The following EPHA6 variants were observed in gnomAD, a reference collection of about 807,000 sequenced individuals.
The protein encoded by EPHA6 is ephrin type-A receptor 6.
EPHA6 carries 50 observed loss-of-function variants against 112.0 expected under a neutral mutation model. The ratio of observed to expected loss-of-function variants is 0.45; its 90% CI spans 0.36 to 0.56. The LOEUF (loss-of-function observed/expected upper bound fraction) is 0.56. EPHA6 is among the 20% of genes least tolerant of loss of function. EPHA6 has a pLI of 0.00. For synonymous variants in EPHA6, 529 were observed against 490.7 expected, an observed-to-expected ratio of 1.08 and a Z score of -1.03; for missense variants, 1,280 against 1,417.4, an observed-to-expected ratio of 0.90 and a Z score of 1.56.
intron 2 of EPHA6, among the ~76,000 whole-genome samples, chr3:96,927,642 C>T (rs1189345131): frequency 6.6e-6 from 1 of 152,126 alleles, no homozygotes; most frequent in African/African-American, 2.4e-5. Context: ...CTGAGACCAC[C>T]TCAGCCTGGA....
intron 3 of EPHA6, among the ~76,000 whole-genome samples, chr3:97,173,544 G>A (rs553507850): frequency 6.6e-6 from 1 of 151,826 alleles, no homozygotes; most frequent in African/African-American, 2.4e-5. Context: ...TATGTGTCAG[G>A]AAACAGAACA....
chr3:97,586,724 G>GGACA (rs1433560350), intron 11 of EPHA6, among the ~76,000 whole-genome samples: 2 of 117,178 alleles, frequency 1.7e-5, no homozygotes, highest in African/African-American at 9.3e-5. Flanking sequence ...ATGGATGGAT[G>GGACA]GATAGACAGA....
intron 3 of EPHA6, among the ~76,000 whole-genome samples, chr3:97,196,149 C>T (rs915656388): frequency 1.1e-4 from 17 of 151,198 alleles, no homozygotes; most frequent in African/African-American, 3.9e-4. Context: ...TTCTAGATCT[C>T]GTAGGCATTC....
chr3:97,260,462 G>A (rs922092899), intron 5 of EPHA6, among the ~76,000 whole-genome samples: 1 of 152,196 alleles, frequency 6.6e-6, no homozygotes, highest in African/African-American at 2.4e-5. Context: ...AGAATTATAG[G>A]CTAGGTCTAG....
intron 6 of EPHA6, among the ~76,000 whole-genome samples, chr3:97,445,490 A>T (rs908216871): frequency 6.6e-6 from 1 of 152,222 alleles, no homozygotes; most frequent in Non-Finnish European, 1.5e-5. Flanking sequence ...ATAAGTACTT[A>T]GAACTAATTA....
chr3:97,339,063 C>A (rs1024376902), intron 5 of EPHA6, among the ~76,000 whole-genome samples: 1 of 152,104 alleles, frequency 6.6e-6, no homozygotes, highest in Non-Finnish European at 1.5e-5. Flanking sequence ...AAGGGAGAAG[C>A]CTGACCTCTC....
In EPHA6 at chr3:97,282,007, G is replaced by A. The variant is rs922312730; in HGVS notation, c.1606+37720G>A. On this transcript the variant is annotated intron_variant, in intron 5 of 17. Transcript: ENST00000389672. ...GTATGTGGCTGATTAAGATTTTCAA[G>A]GCATTATATGATTCTATAGTTCCTT... is the stretch of plus-strand genomic sequence containing the variant. Among the ~76,000 whole-genome samples the A allele has an allele frequency of 8.5e-5, 13 of 152,272 alleles. 1 individual carries two copies. In the South Asian group the frequency reaches 2.1e-3, roughly 24 times the overall value.
chr3:97,025,629 G>C (rs899444856), intron 3 of EPHA6, among the ~76,000 whole-genome samples: 5 of 151,932 alleles, frequency 3.3e-5, no homozygotes, highest in Admixed American at 1.3e-4. Context: ...TCACTCTTTC[G>C]CCAGGCTAGT....
At chr3:97,680,109 T>C (rs1354538706) in intron 14 of EPHA6, among the ~76,000 whole-genome samples, 1 of 152,196 alleles carries the variant, frequency 6.6e-6, no homozygotes, top group Non-Finnish European at 1.5e-5. Flanking sequence ...TCTCTGTCAA[T>C]TTTGACTTTG....
intron 3 of EPHA6, among the ~76,000 whole-genome samples, chr3:97,125,559 G>T (rs993038003): frequency 2.6e-5 from 4 of 151,956 alleles, no homozygotes; most frequent in Admixed American, 2.6e-4. Flanking sequence ...TTTGTCTCTG[G>T]CTTGTTAACA....
At chr3:96,918,835 G>T (rs1361988182) in intron 2 of EPHA6, among the ~76,000 whole-genome samples, 2 of 151,828 alleles carry the variant, frequency 1.3e-5, no homozygotes, top group East Asian at 3.9e-4. Context: ...GCGCTTAAAA[G>T]TAAATAAGTG....
rs573853962 is a variant in EPHA6, at chr3:96,888,551, G to T, written c.450+21662G>T. ...CACCACGTGGAAGCTGCCAAGGCTC[G>T]GTGCTTGCATCCTCTGAAGCCACAG... is the stretch of plus-strand genomic sequence containing the variant. On this transcript the variant is annotated intron_variant, in intron 2 of 17. Transcript: ENST00000389672. Among the ~76,000 whole-genome samples, 16 of 152,222 alleles carry T rather than the reference G, an allele frequency of 1.1e-4. No individual in the cohort carries two copies. In the South Asian group the frequency reaches 3.1e-3, roughly 30 times the overall value.
At chr3:97,561,922 C>T (rs1002472664) in intron 11 of EPHA6, among the ~76,000 whole-genome samples, 3 of 152,036 alleles carry the variant, frequency 2.0e-5, no homozygotes, top group Admixed American at 6.6e-5. Flanking sequence ...ATCTACTTTG[C>T]CTTTGCTCTT....
intron 3 of EPHA6, among the ~76,000 whole-genome samples, chr3:97,087,224 GC>G (rs2046929622): frequency 6.6e-6 from 1 of 152,110 alleles, no homozygotes; most frequent in African/African-American, 2.4e-5. Context: ...TGTGCATGGA[GC>G]CTCCTCTGTT....
intron 6 of EPHA6, among the ~76,000 whole-genome samples, chr3:97,446,793 T>G (rs529166238): frequency 6.6e-6 from 1 of 152,180 alleles, no homozygotes; most frequent in Admixed American, 6.6e-5. Flanking sequence ...ATATGTGTTT[T>G]AAGCCACCTA....
chr3:97,288,328 C>T lies in EPHA6; in HGVS notation c.1606+44041C>T, dbSNP rs1576851632. 2.6e-5 allele frequency among the ~76,000 whole-genome samples: 4 copies of T among 152,286 alleles called. 1 individual carries two copies. In the South Asian group the frequency reaches 8.3e-4, roughly 32 times the overall value. ...TTTAGCTCCCACTTAAAAATGAGAA[C>T]ATGCAATATTTAATTTTCCTTTCCT... On this transcript the variant is annotated intron_variant, in intron 5 of 17. Transcript: ENST00000389672.
At chr3:97,159,886 G>T (rs2076373105) in intron 3 of EPHA6, among the ~76,000 whole-genome samples, 1 of 152,142 alleles carries the variant, frequency 6.6e-6, no homozygotes, top group African/African-American at 2.4e-5. Flanking sequence ...TCTACGGTGT[G>T]TTATTCCTGT....
At chr3:97,461,121 T>A (rs992941718) in intron 7 of EPHA6, among the ~76,000 whole-genome samples, 3 of 152,092 alleles carry the variant, frequency 2.0e-5, no homozygotes, top group African/African-American at 7.2e-5. Flanking sequence ...TGGCAAAAAC[T>A]TCAGGGAGGA....
chr3:97,190,591 T>C (rs576289408), intron 3 of EPHA6, among the ~76,000 whole-genome samples: 2 of 152,244 alleles, frequency 1.3e-5, no homozygotes, highest in East Asian at 3.9e-4. Context: ...ATGATTTTAT[T>C]ATTTATGTTT....
Sources: gnomAD v4.1 joint callset for allele counts (sites outside exome capture counted in the v4.1 genomes callset) on GRCh38, gnomAD v4.1.1 for gene constraint, MANE v1.5 for transcripts, NCBI Gene and HGNC (gene_info 2026-07-23, HGNC 2026-07-21) for gene names.